The following ERP44 variants were observed in gnomAD, a reference collection of about 807,000 sequenced individuals.
The protein encoded by ERP44 is endoplasmic reticulum protein 44, also known as endoplasmic reticulum resident protein 44.
ERP44 carries 25 observed loss-of-function variants against 53.4 expected under a neutral mutation model. The ratio of observed to expected loss-of-function variants is 0.47; its 90% CI spans 0.34 to 0.65. The LOEUF (loss-of-function observed/expected upper bound fraction) is 0.65. Ranked by LOEUF, ERP44 falls within the 30% of genes least tolerant of loss-of-function variation. ERP44 has a pLI of 0.01. For synonymous variants in ERP44, 145 were observed against 161.2 expected, an observed-to-expected ratio of 0.90 and a Z score of 0.76; for missense variants, 338 against 493.2, an observed-to-expected ratio of 0.69 and a Z score of 2.98.
rs142530547 is a variant in ERP44, at chr9:99,989,660, G to A, written c.1017-4591C>T. Reference sequence around the variant, plus strand: ...CTCCTCCAAAGGATCACAGCTCCTCGCCAGCAATGGAACAAAGCAGGAAAG... The same window carrying A: ...CTCCTCCAAAGGATCACAGCTCCTCACCAGCAATGGAACAAAGCAGGAAAG... On this transcript the variant is annotated intron_variant, in intron 10 of 11. Coordinates refer to ENST00000262455, the MANE Select transcript of ERP44 (RefSeq NM_015051.3). Among the ~76,000 whole-genome samples the A allele has an allele frequency of 1.1e-3, 164 of 152,264 alleles. 4 individuals are homozygous for A. Among genetic ancestry groups the A allele is most frequent in the Middle Eastern group, 3.4e-3 (1 of 294 alleles).
chr9:100,090,766 C>A (rs1826545738), intron 1 of ERP44, among the ~76,000 whole-genome samples: 1 of 151,508 alleles, frequency 6.6e-6, no homozygotes, highest in Admixed American at 6.6e-5. Flanking sequence ...AAAAAATATA[C>A]AACAAAACAG....
intron 1 of ERP44, among the ~76,000 whole-genome samples, chr9:100,060,778 T>A (rs1317141165): frequency 1.3e-5 from 2 of 152,254 alleles, no homozygotes; most frequent in South Asian, 4.1e-4. Flanking sequence ...GCCTCCCATC[T>A]ACAAAACAAA....
intron 1 of ERP44, 66 bp downstream of exon 1, chr9:100,098,718 T>TC (rs1233145260): frequency 1.5e-6 from 2 of 1,319,734 alleles, no homozygotes; most frequent in Non-Finnish European, 1.1e-6. Flanking sequence ...GTAGCAGTGT[T>TC]CCCCCTGGGC....
chr9:99,995,388 T>C (rs181658494), intron 10 of ERP44, among the ~76,000 whole-genome samples: 1 of 152,328 alleles, frequency 6.6e-6, no homozygotes, highest in East Asian at 1.9e-4. Flanking sequence ...AGTGGTGAGA[T>C]TGAACATCTT....
chr9:99,993,656 A>T (rs1830279245), intron 10 of ERP44, among the ~76,000 whole-genome samples: 1 of 152,252 alleles, frequency 6.6e-6, no homozygotes, highest in Admixed American at 6.5e-5. Flanking sequence ...GCCAAAATTG[A>T]CAAATGGGAT....
At chr9:99,986,106 C>T (rs532362878) in intron 10 of ERP44, among the ~76,000 whole-genome samples, 1 of 152,282 alleles carries the variant, frequency 6.6e-6, no homozygotes, top group East Asian at 1.9e-4. Flanking sequence ...AGGCTTTCTT[C>T]TTTGTAATAT....
intron 1 of ERP44, among the ~76,000 whole-genome samples, chr9:100,061,913 T>C (rs752440216): frequency 1.6e-4 from 24 of 152,216 alleles, no homozygotes; most frequent in South Asian, 6.2e-4. Context: ...TATGGCACAT[T>C]GGCATTTGAG....
At position 99,982,016 on chromosome 9, in the gene ERP44, T is replaced by C. The variant is rs1033066419; in HGVS notation, c.*596A>G. Reference sequence around the variant, plus strand: ...TTTCATAAGGACAATTCCTGCCAAATGTTCTGTCTTATGACTCTCCTCCAC... The same window carrying C: ...TTTCATAAGGACAATTCCTGCCAAACGTTCTGTCTTATGACTCTCCTCCAC... On this transcript the variant is annotated 3_prime_UTR_variant, in exon 12 of 12. Coordinates refer to ENST00000262455, the MANE Select transcript of ERP44 (RefSeq NM_015051.3). 6.6e-6 allele frequency: 1 copy of C among 152,648 alleles called. No individual in the cohort carries two copies. The highest frequency in any genetic ancestry group is 2.4e-5 in the African/African-American group (1 of 41,446). The allele number at this position is 152,648 out of a possible 1,614,324, so 9.5% of individuals were successfully genotyped here. A position where few individuals can be genotyped will look rare whatever the true frequency, so the allele number is the denominator to read the frequency against.
intron 1 of ERP44, among the ~76,000 whole-genome samples, chr9:100,068,654 C>T (rs1477771939): frequency 2.8e-5 from 4 of 145,020 alleles, no homozygotes; most frequent in African/African-American, 7.7e-5. Flanking sequence ...CCGCCCCGTC[C>T]GGGAGGGAGG....
At chr9:100,039,381 G>A (rs887840282) in intron 4 of ERP44, among the ~76,000 whole-genome samples, 1 of 152,034 alleles carries the variant, frequency 6.6e-6, no homozygotes, top group Non-Finnish European at 1.5e-5. Flanking sequence ...GATAACAAGA[G>A]AAATCTTAGA....
At chr9:100,078,736 C>T (rs374400712) in intron 1 of ERP44, among the ~76,000 whole-genome samples, 1 of 150,232 alleles carries the variant, frequency 6.7e-6, no homozygotes, top group African/African-American at 2.5e-5. Flanking sequence ...GCCTGGGTGA[C>T]GAGCAAGACT....
At chr9:100,023,469 C>T (rs1186985434) in intron 4 of ERP44, among the ~76,000 whole-genome samples, 1 of 147,558 alleles carries the variant, frequency 6.8e-6, no homozygotes, top group Non-Finnish European at 1.5e-5. Context: ...TGCTCTGTCA[C>T]CCAGGCTGGA....
chr9:100,061,089 T>C (rs535763162), intron 1 of ERP44, among the ~76,000 whole-genome samples: 1 of 152,172 alleles, frequency 6.6e-6, no homozygotes, highest in African/African-American at 2.4e-5. Flanking sequence ...AACAATTCAA[T>C]CTAAATGCTA....
chr9:99,991,257 TAGTTG>T (rs1273598727), intron 10 of ERP44, among the ~76,000 whole-genome samples: 1 of 152,172 alleles, frequency 6.6e-6, no homozygotes, highest in Non-Finnish European at 1.5e-5. Flanking sequence ...ACTGACCACA[TAGTTG>T]GAAGTAAAGC....
intron 10 of ERP44, among the ~76,000 whole-genome samples, chr9:100,004,345 G>A (rs1830406561): frequency 6.6e-6 from 1 of 152,196 alleles, no homozygotes. Flanking sequence ...GTGGGCAGCT[G>A]GTCTGGAGCC....
At chr9:100,025,283 G>A (rs1188791889) in intron 4 of ERP44, among the ~76,000 whole-genome samples, 1 of 152,044 alleles carries the variant, frequency 6.6e-6, no homozygotes, top group Non-Finnish European at 1.5e-5. Context: ...AGTTTTTGAG[G>A]TCAACGTAAT....
rs571440640 is a variant in ERP44, at chr9:99,983,372, C to T, written c.1120-659G>A. On this transcript the variant is annotated intron_variant, in intron 11 of 11. Coordinates refer to ENST00000262455, the MANE Select transcript of ERP44 (RefSeq NM_015051.3). ...CATCCTGGCTAACAAGGTGAAACCC[C>T]GTCTCTACTAAAAATACAAAAAATT... Among the ~76,000 whole-genome samples, 1,049 of 151,496 alleles carry T rather than the reference C, an allele frequency of 6.9e-3. 17 individuals carry two copies. The highest frequency in any genetic ancestry group is 0.024 in the African/African-American group (1,002 of 41,326).
chr9:100,067,912 G>A (rs866931385), intron 1 of ERP44, among the ~76,000 whole-genome samples: 41 of 149,632 alleles, frequency 2.7e-4, no homozygotes, highest in African/African-American at 9.6e-4. Flanking sequence ...GAGCCCCTCC[G>A]CCCGGCAACC....
rs184863937 is a variant in ERP44, at chr9:100,011,154, A to T, written c.763-3465T>A. 5.9e-3 allele frequency among the ~76,000 whole-genome samples: 894 copies of T among 151,342 alleles called. 7 individuals carry two copies. The highest frequency in any genetic ancestry group is 0.019 in the South Asian group (92 of 4,796). On this transcript the variant is annotated intron_variant, in intron 8 of 11. Coordinates refer to ENST00000262455, the MANE Select transcript of ERP44 (RefSeq NM_015051.3). ...CTATTCTATTAATAAATTCTAAGTT[A>T]AAAAAAAACATAAGTATGAATGTGC...
Sources: allele counts gnomAD v4.1 joint callset (sites outside exome capture counted in the v4.1 genomes callset), GRCh38; gene constraint gnomAD v4.1.1; transcripts MANE v1.5; gene names NCBI Gene and HGNC (gene_info 2026-07-23, HGNC 2026-07-21).